Variants in SLC2A5 observed in about 807,000 individuals in gnomAD.
SLC2A5 encodes the protein solute carrier family 2, facilitated glucose transporter member 5.
A neutral mutation model predicts 50.3 loss-of-function variants in SLC2A5; 56 were observed. That is an observed-to-expected ratio of 1.11 (90% CI 0.90 to 1.39). SLC2A5 has a LOEUF of 1.39. SLC2A5 is among the 40% of genes most tolerant of loss of function. The pLI is 0.00. For synonymous variants in SLC2A5, 269 were observed against 281.9 expected (o/e 0.95, Z 0.46); for missense variants, 566 against 650.1 (o/e 0.87, Z 1.41).
chr1:9,066,254 A>T (rs1251706209), intron 1 of SLC2A5, among the ~76,000 whole-genome samples: 1 of 151,704 alleles, frequency 6.6e-6, no homozygotes, highest in Non-Finnish European at 1.5e-5. Flanking sequence ...TTTGAGACAG[A>T]ATCTCACTCT....
intron 1 of SLC2A5, among the ~76,000 whole-genome samples, chr1:9,085,463 T>C (rs1642392547): frequency 6.6e-6 from 1 of 152,224 alleles, no homozygotes; most frequent in Admixed American, 6.5e-5. Flanking sequence ...GAAAGGAATG[T>C]CTGTAAGATA....
chr1:9,065,522 A>G (rs1168648130), intron 1 of SLC2A5, among the ~76,000 whole-genome samples: 2 of 152,100 alleles, frequency 1.3e-5, no homozygotes, highest in Non-Finnish European at 2.9e-5. Flanking sequence ...ACTTTATCAC[A>G]CTGTTGAACT....
intron 3 of SLC2A5, among the ~76,000 whole-genome samples, chr1:9,056,538 T>A (rs1431654259): frequency 1.3e-5 from 2 of 151,646 alleles, no homozygotes; most frequent in Non-Finnish European, 2.9e-5. Flanking sequence ...GGAGTCAGAG[T>A]CTGGGTTACT....
At chr1:9,090,268 A>C (rs1415619995), upstream of SLC2A5, among the ~76,000 whole-genome samples, 2 of 152,160 alleles carry the variant, frequency 1.3e-5, no homozygotes, top group Non-Finnish European at 2.9e-5. Flanking sequence ...TAAATCCCAA[A>C]TTCCTCAGCC....
chr1:9,078,689 A>G (rs1642319234), intron 2 of SLC2A5, among the ~76,000 whole-genome samples: 2 of 152,218 alleles, frequency 1.3e-5, no homozygotes, highest in South Asian at 4.1e-4. Flanking sequence ...TCTTTGTACC[A>G]TGAATTCCAA....
chr1:9,037,493 A>T lies in SLC2A5; in HGVS notation c.*93T>A. 1.4e-5 allele frequency: 15 copies of T among 1,056,256 alleles called. No homozygotes were observed. The highest frequency in any genetic ancestry group is 4.8e-5 in the East Asian group (2 of 41,532). 65.4% of individuals were successfully genotyped at this position (1,056,256 alleles called of 1,614,324 possible). ...CTGCATTCCACATCAGAGTTGTTTT[A>T]TTTCTGGATATTCACAGACAGCTAG... is the stretch of plus-strand genomic sequence containing the variant. On this transcript the variant is annotated 3_prime_UTR_variant, in exon 12 of 12. Transcript: ENST00000377424.
chr1:9,048,737 C>T (rs968542927), intron 3 of SLC2A5, among the ~76,000 whole-genome samples: 3 of 151,966 alleles, frequency 2.0e-5, no homozygotes, highest in Admixed American at 6.6e-5. Flanking sequence ...CTCACTGTAA[C>T]CTCGGTCTGC....
chr1:9,082,675 A>G (rs1377907656), intron 2 of SLC2A5: 10 of 219,762 alleles, frequency 4.6e-5, no homozygotes, highest in Non-Finnish European at 8.5e-5. Context: ...GAATAGATAA[A>G]TCCATAGAGA....
At chr1:9,060,580 A>AC (rs1363431462) in intron 1 of SLC2A5, among the ~76,000 whole-genome samples, 7 of 85,116 alleles carry the variant, frequency 8.2e-5, no homozygotes, top group Non-Finnish European at 1.2e-4. Flanking sequence ...ATACACACCC[A>AC]CCCCCCACAC....
intron 1 of SLC2A5, among the ~76,000 whole-genome samples, chr1:9,066,349 C>T (rs1387723651): frequency 6.6e-6 from 1 of 152,092 alleles, no homozygotes; most frequent in Non-Finnish European, 1.5e-5. Flanking sequence ...GATCCTCCCA[C>T]CTCAGCCTCT....
chr1:9,065,480 G>A (rs1642056582), intron 1 of SLC2A5, among the ~76,000 whole-genome samples: 2 of 152,164 alleles, frequency 1.3e-5, no homozygotes, highest in African/African-American at 2.4e-5. Flanking sequence ...AGTAGTTAGC[G>A]CTCATGGAGG....
chr1:9,038,020 G>A lies in SLC2A5; in HGVS notation c.1179C>T (p.Pro393=), dbSNP rs772937710. The A allele has an allele frequency of 2.5e-6, 4 of 1,613,724 alleles. No homozygotes were observed. In the South Asian group the frequency reaches 3.3e-5, roughly 13 times the overall value. Residue 393 remains proline (P), a synonymous_variant, in exon 11 of 12, where the codon CCC becomes CCT. Transcript: ENST00000377424. ...YVIGHALGPS[P]IPALLITEIF... is the part of the protein sequence containing the mutation. ...TCTCAGTGATGAGCAGCGCGGGTAT[G>A]GGACCTGTAGGGGGAGGAGAGCAGC...
chr1:9,079,631 G>A (rs530073261), intron 2 of SLC2A5, among the ~76,000 whole-genome samples: 4 of 152,210 alleles, frequency 2.6e-5, no homozygotes, highest in African/African-American at 9.6e-5. Flanking sequence ...GATTACAGAC[G>A]TGAGCCACCA....
chr1:9,069,362 T>G (rs569427001), intron 1 of SLC2A5, 142 bp downstream of exon 1: 1 of 814,638 alleles, frequency 1.2e-6, no homozygotes, highest in East Asian at 2.5e-5. Flanking sequence ...GACAAGACTT[T>G]CCCCCTCTCC....
At chr1:9,084,525 T>C (rs1446438127) in intron 2 of SLC2A5, among the ~76,000 whole-genome samples, 1 of 152,226 alleles carries the variant, frequency 6.6e-6, no homozygotes, top group African/African-American at 2.4e-5. Flanking sequence ...TCTAGCCCAC[T>C]GGCATCAGAA....
chr1:9,071,498 A>T (rs1184276238), upstream of SLC2A5, among the ~76,000 whole-genome samples: 1 of 152,206 alleles, frequency 6.6e-6, no homozygotes, highest in Non-Finnish European at 1.5e-5. Context: ...ATCTAGGCCC[A>T]GATCTTCCAC....
upstream of SLC2A5, among the ~76,000 whole-genome samples, chr1:9,074,182 G>C (rs190022074): frequency 5.3e-5 from 8 of 152,214 alleles, no homozygotes; most frequent in Admixed American, 1.3e-4. Flanking sequence ...TGGAGCGGAG[G>C]GGGGCAAGCA....
At position 9,038,518 on chromosome 1, in the gene SLC2A5, A is replaced by G; in HGVS notation, c.1099-12T>C. ...CAGGACACTGTGTCCTGTGGAGAGA[A>G]AGCAGTTGGTTCACCTGGAGCAGAC... is the stretch of plus-strand genomic sequence containing the variant. On this transcript the variant is annotated splice_polypyrimidine_tract_variant and intron_variant, in intron 9 of 11. Coordinates refer to ENST00000377424, the MANE Select transcript of SLC2A5 (RefSeq NM_003039.3). The G allele has an allele frequency of 2.5e-6, 4 of 1,609,016 alleles. No homozygotes were observed. Among genetic ancestry groups the G allele is most frequent in the Non-Finnish European group, 3.4e-6 (4 of 1,176,058 alleles).
intron 2 of SLC2A5, among the ~76,000 whole-genome samples, chr1:9,074,830 C>T (rs1642262315): frequency 6.6e-6 from 1 of 151,972 alleles, no homozygotes; most frequent in Non-Finnish European, 1.5e-5. Flanking sequence ...TCGAGACCAG[C>T]CTGGGCAACA....
Sources: allele counts gnomAD v4.1 joint callset (sites outside exome capture counted in the v4.1 genomes callset), GRCh38; gene constraint gnomAD v4.1.1; transcripts MANE v1.5; gene names NCBI Gene and HGNC (gene_info 2026-07-23, HGNC 2026-07-21).